Variants in BAG2 observed in about 807,000 individuals in gnomAD.
The protein encoded by BAG2 is BAG cochaperone 2.
Under a neutral mutation model 16.4 loss-of-function variants are expected in BAG2, and 8 were observed. The ratio of observed to expected loss-of-function variants is 0.49; its 90% CI spans 0.29 to 0.88. The LOEUF is 0.88. Ranked by LOEUF, BAG2 falls within the 40% of genes least tolerant of loss-of-function variation. BAG2 has a pLI of 0.09. For synonymous variants in BAG2, 82 were observed against 89.2 expected (o/e 0.92, Z 0.46); for missense variants, 218 against 248.9 (o/e 0.88, Z 0.84).
At chr6:57,178,093 G>T (rs1243098817) in intron 1 of BAG2, among the ~76,000 whole-genome samples, 1 of 152,164 alleles carries the variant, frequency 6.6e-6, no homozygotes, top group Non-Finnish European at 1.5e-5. Context: ...CTGCTTCCGG[G>T]ATCTGTTAGT....
chr6:57,189,380 T>A lies in BAG2; in HGVS notation c.*5190T>A, dbSNP rs1486557685. The A allele has an allele frequency of 6.6e-6, 1 of 152,228 alleles. No homozygotes were observed. The highest frequency in any genetic ancestry group is 2.4e-5 in the African/African-American group (1 of 41,462). 9.4% of individuals were successfully genotyped at this position (152,228 alleles called of 1,614,324 possible). A position where few individuals can be genotyped will look rare whatever the true frequency, so the allele number is the denominator to read the frequency against. On this transcript the variant is annotated 3_prime_UTR_variant, in exon 3 of 3. Transcript: ENST00000370693. ...ATTTTAGTTAAGACTAATAATAATA[T>A]TTTTGTGCACTTTAAAAATGGTTAG...
chr6:57,184,086 C>T lies in BAG2; in HGVS notation c.532C>T (p.Leu178Phe), dbSNP rs762617637. ...KKIKRRLETLLRNIENSDKAI... is the reference protein window; with the variant it reads ...KKIKRRLETLFRNIENSDKAI... ...AATTAAGAGAAGATTAGAGACTCTG[C>T]TTAGAAATATTGAAAACTCTGACAA... is the stretch of plus-strand genomic sequence containing the variant. Residue 178 changes from leucine (L) to phenylalanine (F), a missense_variant, in exon 3 of 3, where the codon CTT (leucine) becomes TTT (phenylalanine). Leu to Phe is a conservative substitution (Grantham distance 22). Around this residue, in one of 3 missense-constraint regions of BAG2, gnomAD observed 113 missense variants for 128.0 expected, o/e 0.88. Coordinates refer to ENST00000370693, the MANE Select transcript of BAG2 (RefSeq NM_004282.4). 1.9e-6 allele frequency: 3 copies of T among 1,610,612 alleles called. No individual in the cohort carries two copies. In the East Asian group the frequency reaches 6.7e-5, roughly 36 times the overall value.
At chr6:57,183,688 G>T in intron 2 of BAG2, 90 bp from the exon 3 acceptor site, 2 of 1,203,190 alleles carry the variant, frequency 1.7e-6, no homozygotes, top group Non-Finnish European at 2.3e-6. Flanking sequence ...AAATTTCATG[G>T]CAGAGGTAAA....
At position 57,184,113 on chromosome 6, in the gene BAG2, G is replaced by A; in HGVS notation, c.559G>A (p.Ala187Thr). ...TAGAAATATTGAAAACTCTGACAAGGCCATCAAGCTATTAGAGCATTCTAA... is the reference window on the plus strand; with the variant it reads ...TAGAAATATTGAAAACTCTGACAAGACCATCAAGCTATTAGAGCATTCTAA... ...LLRNIENSDK[A>T]IKLLEHSKGA... The change falls in exon 3 of 3, where the codon GCC (alanine) becomes ACC (threonine). Residue 187 changes from alanine to threonine, a missense_variant. By Grantham distance (58) the Ala-to-Thr change is moderately conservative (BLOSUM62 0). Coordinates refer to ENST00000370693, the MANE Select transcript of BAG2 (RefSeq NM_004282.4). 3.7e-6 allele frequency: 6 copies of A among 1,602,548 alleles called. No individual in the cohort carries two copies. The highest frequency in any genetic ancestry group is 4.2e-6 in the Non-Finnish European group (5 of 1,177,020).
At position 57,187,240 on chromosome 6, in the gene BAG2, T is replaced by C. The variant is rs1764636285; in HGVS notation, c.*3050T>C. 2 of 152,210 alleles carry C rather than the reference T, an allele frequency of 1.3e-5. No homozygotes were observed. The highest frequency in any genetic ancestry group is 2.4e-5 in the African/African-American group (1 of 41,454). The allele number at this position is 152,210 out of a possible 1,614,324, so 9.4% of individuals were successfully genotyped here. Reference sequence around the variant, plus strand: ...ATTTACTAACATCCTACTGTAGATATTTCGAGAGACAGATGAAAATAATAA... The same window carrying C: ...ATTTACTAACATCCTACTGTAGATACTTCGAGAGACAGATGAAAATAATAA... On this transcript the variant is annotated 3_prime_UTR_variant, in exon 3 of 3. Coordinates refer to ENST00000370693, the MANE Select transcript of BAG2 (RefSeq NM_004282.4).
In BAG2 at chr6:57,184,349, G is replaced by T; in HGVS notation, c.*159G>T. 1 of 608,614 alleles carries T rather than the reference G, an allele frequency of 1.6e-6. No homozygotes were observed. Among genetic ancestry groups the T allele is most frequent in the Non-Finnish European group, 2.5e-6 (1 of 404,140 alleles). 37.7% of individuals were successfully genotyped at this position (608,614 alleles called of 1,614,324 possible). ...TTCCATCAAGTATCTTCAGTTTTGT[G>T]AATAACAAAACTAGCAATATTTTAA... is the stretch of plus-strand genomic sequence containing the variant. On this transcript the variant is annotated 3_prime_UTR_variant, in exon 3 of 3. Coordinates refer to ENST00000370693, the MANE Select transcript of BAG2 (RefSeq NM_004282.4).
chr6:57,182,208 G>A (rs1764468489), intron 2 of BAG2, 67 bp downstream of exon 2: 1 of 1,452,478 alleles, frequency 6.9e-7, no homozygotes, highest in Non-Finnish European at 9.5e-7. Context: ...GATAAGTGTG[G>A]GTCAATTTTT....
rs1467146290 is a variant in BAG2, at chr6:57,185,972, T to G, written c.*1782T>G. 1 of 152,000 alleles carries G rather than the reference T, an allele frequency of 6.6e-6. No individual in the cohort carries two copies. The highest frequency in any genetic ancestry group is 1.5e-5 in the Non-Finnish European group (1 of 68,012). 9.4% of individuals were successfully genotyped at this position (152,000 alleles called of 1,614,324 possible). A position where few individuals can be genotyped will look rare whatever the true frequency, so the allele number is the denominator to read the frequency against. ...TTTGCAATGGAGTTTTTAATGGAGG[T>G]CATTGATTTCTGATCACAGACTTGA... is the stretch of plus-strand genomic sequence containing the variant. On this transcript the variant is annotated 3_prime_UTR_variant, in exon 3 of 3. Transcript: ENST00000370693.
rs749258550 is a variant in BAG2 at position 57,183,749 on chromosome 6, A to G, written c.224-29A>G. On this transcript the variant is annotated intron_variant, in intron 2 of 2. Transcript: ENST00000370693. ...AAATGCCTTAATGTTTTTGACACAGATAAGTTTACATCTCATATTGATTTT... is the reference window on the plus strand; with the variant it reads ...AAATGCCTTAATGTTTTTGACACAGGTAAGTTTACATCTCATATTGATTTT... The G allele has an allele frequency of 1.2e-5, 18 of 1,496,102 alleles. 1 individual carries two copies. Among genetic ancestry groups the G allele is most frequent in the African/African-American group, 2.8e-5 (2 of 71,452 alleles). 92.7% of individuals were successfully genotyped at this position (1,496,102 alleles called of 1,614,324 possible).
Position 57,188,554 on chromosome 6 carries a change from T to TTA in BAG2, c.*4366_*4367dup, listed in dbSNP as rs1390079473. 1.3e-5 allele frequency: 2 copies of TTA among 152,120 alleles called. No individual in the cohort carries two copies. The highest frequency in any genetic ancestry group is 2.9e-5 in the Non-Finnish European group (2 of 68,018). The allele number at this position is 152,120 out of a possible 1,614,324, so 9.4% of individuals were successfully genotyped here. A position where few individuals can be genotyped will look rare whatever the true frequency, so the allele number is the denominator to read the frequency against. On this transcript the variant is annotated 3_prime_UTR_variant, in exon 3 of 3. Transcript: ENST00000370693. ...ACAAAAGACTATTTGTTGCAAAGTA[T>TTA]TATTTTGTGCAAAAATTAAAGAGGA...
rs1764674924 is a variant in BAG2, at chr6:57,188,010, G to A, written c.*3820G>A. ...ACTGGAAAAGGAAAAGGAAACCTGA[G>A]GAACTCTGAAATATGGCAGTTATTC... On this transcript the variant is annotated 3_prime_UTR_variant, in exon 3 of 3. Coordinates refer to ENST00000370693, the MANE Select transcript of BAG2 (RefSeq NM_004282.4). The A allele has an allele frequency of 6.6e-6, 1 of 152,108 alleles. No homozygotes were observed. The highest frequency in any genetic ancestry group is 2.4e-5 in the African/African-American group (1 of 41,416). 9.4% of individuals were successfully genotyped at this position (152,108 alleles called of 1,614,324 possible).
chr6:57,173,162 G>A (rs1229391899), intron 1 of BAG2: 2 of 1,008,876 alleles, frequency 2.0e-6, no homozygotes, highest in African/African-American at 3.4e-5. Context: ...TGGCAGCTTG[G>A]GTCTGCAGAA....
chr6:57,177,236 T>C (rs1764306888), intron 1 of BAG2, among the ~76,000 whole-genome samples: 1 of 151,960 alleles, frequency 6.6e-6, no homozygotes. Context: ...TCCAACATGG[T>C]GAAAACCATC....
Position 57,187,163 on chromosome 6 carries a change from T to C in BAG2, c.*2973T>C, listed in dbSNP as rs1170431413. 1 of 152,170 alleles carries C rather than the reference T, an allele frequency of 6.6e-6. No homozygotes were observed. Among genetic ancestry groups the C allele is most frequent in the South Asian group, 2.1e-4 (1 of 4,830 alleles). The allele number at this position is 152,170 out of a possible 1,614,324, so 9.4% of individuals were successfully genotyped here. A position where few individuals can be genotyped will look rare whatever the true frequency, so the allele number is the denominator to read the frequency against. On this transcript the variant is annotated 3_prime_UTR_variant, in exon 3 of 3. Transcript: ENST00000370693. The stretch of plus-strand genomic sequence containing the variant: ...GCATTATTTATTAGTAATAAAAATA[T>C]AGAAGGAATTCAGTTTTCCTTTTAT...
Position 57,187,868 on chromosome 6 carries a change from A to AAAG in BAG2, c.*3679_*3681dup, listed in dbSNP as rs1378272145. The AAAG allele has an allele frequency of 6.6e-6, 1 of 151,998 alleles. No homozygotes were observed. Among genetic ancestry groups the AAAG allele is most frequent in the Non-Finnish European group, 1.5e-5 (1 of 68,024 alleles). The allele number at this position is 151,998 out of a possible 1,614,324, so 9.4% of individuals were successfully genotyped here. On this transcript the variant is annotated 3_prime_UTR_variant, in exon 3 of 3. Transcript: ENST00000370693. ...TTGGTAGTTTTAGCTTTATTTTGAA[A>AAAG]AAGTAACGTGTGCTATCAACTTTGG...
intron 1 of BAG2, 150 bp from the exon 2 acceptor site, chr6:57,181,882 G>A: frequency 7.8e-6 from 5 of 639,516 alleles, no homozygotes; most frequent in Non-Finnish European, 1.3e-5. Flanking sequence ...CAAGTGTATA[G>A]AAAAATGAAA....
intron 1 of BAG2, among the ~76,000 whole-genome samples, chr6:57,178,746 G>C (rs1764356684): frequency 6.6e-6 from 1 of 150,804 alleles, no homozygotes; most frequent in Non-Finnish European, 1.5e-5. Flanking sequence ...ATAATGCCCT[G>C]GTAATTTCTA....
chr6:57,183,654 T>C, intron 2 of BAG2, 124 bp from the exon 3 acceptor site: 2 of 746,452 alleles, frequency 2.7e-6, no homozygotes, highest in Non-Finnish European at 4.2e-6. Context: ...TTACATGCTA[T>C]AGTTTCAGCT....
intron 1 of BAG2, among the ~76,000 whole-genome samples, chr6:57,176,326 T>C (rs9349845): frequency 0.12 from 18,009 of 152,192 alleles, 1,308 homozygotes; most frequent in African/African-American, 0.19. Context: ...CTCCAGGCTC[T>C]AATACTTTAT....
Sources: gnomAD v4.1 joint callset for allele counts (sites outside exome capture counted in the v4.1 genomes callset) on GRCh38, gnomAD v4.1.1 for gene constraint, gnomAD v4.1.1 regional missense constraint, MANE v1.5 for transcripts, NCBI Gene and HGNC (gene_info 2026-07-23, HGNC 2026-07-21) for gene names.